Variants in JAK1 observed in about 807,000 individuals in gnomAD.
JAK1 encodes tyrosine-protein kinase JAK1.
JAK1 carries 16 observed loss-of-function variants against 136.6 expected under a neutral mutation model. The observed-to-expected ratio is 0.12, with a 90% CI of 0.08 to 0.18. JAK1 has a LOEUF of 0.18. Ranked by LOEUF, JAK1 falls within the 10% of genes least tolerant of loss-of-function variation. The pLI is 1.00. For missense variants in JAK1, 859 were observed against 1,450.1 expected (o/e 0.59, Z 6.62); for synonymous variants, 492 against 519.5 (o/e 0.95, Z 0.72).
intron 6 of JAK1, among the ~76,000 whole-genome samples, chr1:64,867,635 A>T (rs1656786213): frequency 6.6e-6 from 1 of 152,228 alleles, no homozygotes; most frequent in African/African-American, 2.4e-5. Context: ...AATGCTTTGT[A>T]TGTTCTATTT....
Position 64,886,439 on chromosome 1 carries a change from G to A in JAK1, c.-77-98C>T. ...AAGGAAGCAGCCCAAACCATAAGCAGGCAAGAAAAAGCATTTGAGAGGAAG... is the reference window on the plus strand; with the variant it reads ...AAGGAAGCAGCCCAAACCATAAGCAAGCAAGAAAAAGCATTTGAGAGGAAG... On this transcript the variant is annotated intron_variant, in intron 1 of 24. Transcript: ENST00000342505. 7 of 591,746 alleles carry A rather than the reference G, an allele frequency of 1.2e-5. No homozygotes were observed. In the South Asian group the frequency reaches 1.6e-4, roughly 14 times the overall value. The allele number at this position is 591,746 out of a possible 1,614,324, so 36.7% of individuals were successfully genotyped here.
chr1:64,878,183 C>A (rs1644704552), intron 4 of JAK1, among the ~76,000 whole-genome samples: 1 of 152,156 alleles, frequency 6.6e-6, no homozygotes, highest in Admixed American at 6.6e-5. Context: ...AAAGGATCCA[C>A]CCTATTTATA....
Position 64,949,169 on chromosome 1 carries a change from T to C in JAK1, c.-78+17164A>G, listed in dbSNP as rs139625532. On this transcript the variant is annotated intron_variant, in intron 1 of 24. Coordinates refer to ENST00000342505, the MANE Select transcript of JAK1 (RefSeq NM_002227.4). Reference sequence around the variant, plus strand: ...AAGCAAGGCAGTGATGTGTTCAGATTTGCATTATAGAATTGTTTATCCTGG... The same window carrying C: ...AAGCAAGGCAGTGATGTGTTCAGATCTGCATTATAGAATTGTTTATCCTGG... Among the ~76,000 whole-genome samples, 371 of 152,246 alleles carry C rather than the reference T, an allele frequency of 2.4e-3. 2 individuals carry two copies. Among genetic ancestry groups the C allele is most frequent in the African/African-American group, 8.5e-3 (351 of 41,528 alleles).
In JAK1 at chr1:64,984,943, G is replaced by T; in HGVS notation, c.-78+59537C>A. On this transcript the variant is annotated intron_variant, in intron 2 of 25. Coordinates refer to the JAK1 transcript ENST00000671954. This position sits in a 1 kb window ranked among gnomAD's most constrained non-coding sequence, Gnocchi z 4.1. The stretch of plus-strand genomic sequence containing the variant: ...AAGAGTTCAGCCACAATAAACCAGG[G>T]AATGTGGTCTGGCCCAATTTCAAAG... The T allele has an allele frequency of 3.7e-6, 4 of 1,080,766 alleles. No individual in the cohort carries two copies. In the Admixed American group the frequency reaches 5.2e-5, roughly 14 times the overall value. 66.9% of individuals were successfully genotyped at this position (1,080,766 alleles called of 1,614,324 possible).
intron 1 of JAK1, among the ~76,000 whole-genome samples, chr1:64,933,810 A>G (rs1400914708): frequency 1.3e-5 from 2 of 152,216 alleles, no homozygotes; most frequent in Non-Finnish European, 2.9e-5. Context: ...TGCTCTAAAG[A>G]AAGTTTTTGC....
chr1:64,841,169 C>T, intron 19 of JAK1, 76 bp downstream of exon 19: 7 of 1,033,288 alleles, frequency 6.8e-6, no homozygotes, highest in Non-Finnish European at 1.1e-5. Flanking sequence ...TGGAGAGCAG[C>T]TGTACGTGCA....
chr1:65,066,768 G>A, intron 1 of JAK1: 1 of 153,704 alleles, frequency 6.5e-6, no homozygotes, highest in Non-Finnish European at 1.4e-5. Flanking sequence ...CTCCGGCACC[G>A]CCGCCTCCTC....
intron 1 of JAK1, among the ~76,000 whole-genome samples, chr1:64,888,320 T>C (rs1381746376): frequency 6.6e-6 from 1 of 152,216 alleles, no homozygotes; most frequent in African/African-American, 2.4e-5. Flanking sequence ...TAGCTGGGAC[T>C]ACAGGCATGC....
intron 1 of JAK1, among the ~76,000 whole-genome samples, chr1:64,961,266 C>A (rs1351980489): frequency 2.0e-5 from 3 of 152,248 alleles, no homozygotes; most frequent in East Asian, 1.9e-4. Context: ...TGGCTCGAAG[C>A]CTTTCTTGTT....
chr1:64,936,293 C>T (rs564718006), intron 1 of JAK1, among the ~76,000 whole-genome samples: 2 of 152,248 alleles, frequency 1.3e-5, no homozygotes, highest in South Asian at 4.1e-4. Flanking sequence ...GCCAAATAAG[C>T]CTCTACATTT....
intron 2 of JAK1, among the ~76,000 whole-genome samples, chr1:65,013,479 C>G (rs1016207665): frequency 3.9e-5 from 6 of 151,982 alleles, no homozygotes; most frequent in African/African-American, 1.5e-4. Flanking sequence ...CTACATTTTC[C>G]CCAAATTTCT....
At chr1:65,058,589 G>C (rs944751989) in intron 1 of JAK1, 2 of 493,882 alleles carry the variant, frequency 4.0e-6, no homozygotes, top group African/African-American at 4.0e-5. Context: ...ATGAAGTGAA[G>C]GACTAAAAGA....
chr1:64,887,164 C>A (rs1644864903), intron 1 of JAK1, among the ~76,000 whole-genome samples: 1 of 152,160 alleles, frequency 6.6e-6, no homozygotes, highest in Non-Finnish European at 1.5e-5. Context: ...GTTGTTAGCT[C>A]TGGTGACTGA....
intron 1 of JAK1, among the ~76,000 whole-genome samples, chr1:64,947,021 T>C (rs781081598): frequency 9.2e-5 from 14 of 152,062 alleles, no homozygotes; most frequent in East Asian, 1.9e-4. Flanking sequence ...AATCCATAGA[T>C]AGAAAAAGTA....
chr1:64,928,797 C>CAA (rs397953329), intron 1 of JAK1, among the ~76,000 whole-genome samples: 17 of 80,824 alleles, frequency 2.1e-4, no homozygotes, highest in Admixed American at 1.7e-3. Context: ...AAAAAAAAAA[C>CAA]AAAAAAAAAA....
At chr1:64,991,386 T>G (rs1463652729) in intron 2 of JAK1, 1 of 152,280 alleles carries the variant, frequency 6.6e-6, no homozygotes, top group Non-Finnish European at 1.5e-5. Flanking sequence ...ATTGCTGCTC[T>G]CTTGCTACCT....
At chr1:64,958,283 C>A (rs1244217092) in intron 1 of JAK1, among the ~76,000 whole-genome samples, 2 of 152,138 alleles carry the variant, frequency 1.3e-5, no homozygotes, top group African/African-American at 2.4e-5. Context: ...CTTCTTCCTA[C>A]TTCCAACCAA....
chr1:64,890,802 A>G (rs1557667958), intron 1 of JAK1, among the ~76,000 whole-genome samples: 1 of 152,340 alleles, frequency 6.6e-6, no homozygotes, highest in African/African-American at 2.4e-5. Context: ...TCTGAGCAAA[A>G]GCCTAGATAC....
intron 6 of JAK1, among the ~76,000 whole-genome samples, chr1:64,868,887 G>A (rs959357603): frequency 2.6e-5 from 4 of 152,220 alleles, no homozygotes; most frequent in African/African-American, 7.2e-5. Context: ...TAACAGCTCT[G>A]TAGTGAACTA....
Sources: gnomAD v4.1 joint callset for allele counts (sites outside exome capture counted in the v4.1 genomes callset) on GRCh38, gnomAD v4.1.1 for gene constraint, Gnocchi (gnomAD v3.1) non-coding constraint, MANE v1.5 for transcripts, NCBI Gene and HGNC (gene_info 2026-07-23, HGNC 2026-07-21) for gene names.